Variants in BUB3 observed in about 807,000 individuals in gnomAD.
The protein encoded by BUB3 is mitotic checkpoint protein BUB3.
Under a neutral mutation model 39.9 loss-of-function variants are expected in BUB3, and 22 were observed. The observed-to-expected ratio is 0.55, with a 90% CI of 0.39 to 0.79. The LOEUF (loss-of-function observed/expected upper bound fraction) is 0.79. Ranked by LOEUF, BUB3 falls within the 30% of genes least tolerant of loss-of-function variation. The pLI, the probability that BUB3 is intolerant of heterozygous loss-of-function variation, is 0.00. For missense variants in BUB3, 303 were observed against 415.4 expected, an observed-to-expected ratio of 0.73 and a Z score of 2.35; for synonymous variants, 168 against 155.1, an observed-to-expected ratio of 1.08 and a Z score of -0.62.
At chr10:123,161,888 A>T (rs1034604533) in intron 5 of BUB3, among the ~76,000 whole-genome samples, 6 of 152,262 alleles carry the variant, frequency 3.9e-5, no homozygotes, top group Admixed American at 3.9e-4. Flanking sequence ...CACAGAACAT[A>T]GAAGAATATA....
rs968146670 is a variant in BUB3, at chr10:123,166,250, C to T, written c.*2415C>T. 3.9e-5 allele frequency: 6 copies of T among 152,198 alleles called. No individual in the cohort carries two copies. Among genetic ancestry groups the T allele is most frequent in the African/African-American group, 1.4e-4 (6 of 41,448 alleles). The allele number at this position is 152,198 out of a possible 1,614,324, so 9.4% of individuals were successfully genotyped here. On this transcript the variant is annotated 3_prime_UTR_variant, in exon 8 of 8. Coordinates refer to ENST00000368865, the MANE Select transcript of BUB3 (RefSeq NM_004725.4). ...TCTTCCTACTGCTACCATCCCAGGG[C>T]CTTTTGGGTGAATGTGGCAGCCTCC... is the stretch of plus-strand genomic sequence containing the variant.
At chr10:123,160,267 T>G in intron 4 of BUB3, 140 bp from the exon 5 acceptor site, 1 of 676,876 alleles carries the variant, frequency 1.5e-6, no homozygotes, top group Non-Finnish European at 2.3e-6. Flanking sequence ...AATTGCAGTA[T>G]CTAAAATTGT....
rs1006272844 is a variant in BUB3 at position 123,167,726 on chromosome 10, A to T, written c.*3891A>T. The T allele has an allele frequency of 1.3e-5, 2 of 152,194 alleles. No individual in the cohort carries two copies. The highest frequency in any genetic ancestry group is 6.5e-5 in the Admixed American group (1 of 15,284). 9.4% of individuals were successfully genotyped at this position (152,194 alleles called of 1,614,324 possible). A position where few individuals can be genotyped will look rare whatever the true frequency, so the allele number is the denominator to read the frequency against. The stretch of plus-strand genomic sequence containing the variant: ...AGAAAAATTTGGATAGCATGCAAAA[A>T]ATGAAACATACTATCACAATCCTAT... On this transcript the variant is annotated 3_prime_UTR_variant, in exon 8 of 8. Coordinates refer to ENST00000368865, the MANE Select transcript of BUB3 (RefSeq NM_004725.4).
rs763593893 is a variant in BUB3, at chr10:123,170,443, A to G, written c.*6608A>G. The G allele has an allele frequency of 1.3e-5, 2 of 152,144 alleles. No homozygotes were observed. Among genetic ancestry groups the G allele is most frequent in the Non-Finnish European group, 2.9e-5 (2 of 68,034 alleles). The allele number at this position is 152,144 out of a possible 1,614,324, so 9.4% of individuals were successfully genotyped here. On this transcript the variant is annotated 3_prime_UTR_variant, in exon 8 of 8. Coordinates refer to ENST00000368865, the MANE Select transcript of BUB3 (RefSeq NM_004725.4). Reference sequence around the variant, plus strand: ...ATGTTTTTCTGTATTTTATCTCTTCATTTTAAAATAAAGTTTTGCACATGT... The same window carrying G: ...ATGTTTTTCTGTATTTTATCTCTTCGTTTTAAAATAAAGTTTTGCACATGT...
At chr10:123,156,474 A>G (rs865952311) in intron 3 of BUB3, among the ~76,000 whole-genome samples, 4 of 152,208 alleles carry the variant, frequency 2.6e-5, no homozygotes, top group Admixed American at 6.5e-5. Context: ...GGATGGCCAC[A>G]TTTTGTCAAA....
At chr10:123,154,789 G>A (rs962381394) in intron 1 of BUB3, 129 bp from the exon 2 acceptor site, 1 of 1,011,944 alleles carries the variant, frequency 9.9e-7, no homozygotes, top group Non-Finnish European at 1.4e-6. Context: ...CTCGGCGCAG[G>A]CGCAAGCGCA....
chr10:123,155,095 C>T lies in BUB3; in HGVS notation c.178C>T (p.Leu60=), dbSNP rs772570812. 2 of 1,613,938 alleles carry T rather than the reference C, an allele frequency of 1.2e-6. No individual in the cohort carries two copies. Among genetic ancestry groups the T allele is most frequent in the South Asian group, 2.2e-5 (2 of 91,072 alleles). ...RLKYQHTGAV[L]DCAFYDPTHA... is the part of the protein sequence containing the mutation. ...CAAGTACCAGCACACCGGCGCCGTC[C>T]TGGACTGCGCCTTCTACGTAGGTGC... is the stretch of plus-strand genomic sequence containing the variant. Residue 60 remains leucine, a synonymous_variant, in exon 2 of 8, where the codon CTG becomes TTG. Coordinates refer to ENST00000368865, the MANE Select transcript of BUB3 (RefSeq NM_004725.4).
Position 123,162,295 on chromosome 10 carries a change from T to C in BUB3, c.636T>C (p.Pro212=). ...CAGTTGAGTATTTGGACCCAAGCCC[T>C]GAGGTACAGAAGAAGAAGTATGCCT... ...RVAVEYLDPS[P]EVQKKKYAFK... Residue 212 remains proline (P), a synonymous_variant, in exon 6 of 8, where the codon CCT becomes CCC. Transcript: ENST00000368865. 6.2e-7 allele frequency: 1 copy of C among 1,614,148 alleles called. No individual in the cohort carries two copies. Among genetic ancestry groups the C allele is most frequent in the East Asian group, 2.2e-5 (1 of 44,870 alleles).
At position 123,164,350 on chromosome 10, in the gene BUB3, A is replaced by G; in HGVS notation, c.*515A>G. Reference sequence around the variant, plus strand: ...TATTTTCTGAAGCAGATGGTTCATCATTTCCTGGGCTGTTAAACAAAGCGA... The same window carrying G: ...TATTTTCTGAAGCAGATGGTTCATCGTTTCCTGGGCTGTTAAACAAAGCGA... On this transcript the variant is annotated 3_prime_UTR_variant, in exon 8 of 8. Transcript: ENST00000368865. The G allele has an allele frequency of 1.0e-6, 1 of 985,900 alleles. No individual in the cohort carries two copies. Among genetic ancestry groups the G allele is most frequent in the Non-Finnish European group, 1.2e-6 (1 of 830,352 alleles). 61.1% of individuals were successfully genotyped at this position (985,900 alleles called of 1,614,324 possible).
chr10:123,164,537 G>T lies in BUB3; in HGVS notation c.*702G>T, dbSNP rs1027001522. ...GGCAAATTGTTTGAGTCAGTAATGA[G>T]CTGAGAAAAGACAGAGCATATCTGT... On this transcript the variant is annotated 3_prime_UTR_variant, in exon 8 of 8. Transcript: ENST00000368865. 2.0e-6 allele frequency: 2 copies of T among 986,000 alleles called. No individual in the cohort carries two copies. The highest frequency in any genetic ancestry group is 1.2e-4 in the Admixed American group (2 of 16,326). The allele number at this position is 986,000 out of a possible 1,614,324, so 61.1% of individuals were successfully genotyped here. A position where few individuals can be genotyped will look rare whatever the true frequency, so the allele number is the denominator to read the frequency against.
Position 123,164,416 on chromosome 10 carries a change from T to G in BUB3, c.*581T>G. 1.0e-6 allele frequency: 1 copy of G among 985,696 alleles called. No homozygotes were observed. The highest frequency in any genetic ancestry group is 1.2e-6 in the Non-Finnish European group (1 of 830,136). The allele number at this position is 985,696 out of a possible 1,614,324, so 61.1% of individuals were successfully genotyped here. ...CTTGGGAATCAGCTAGTTTTCAATC[T>G]TATTAGGGTGCAGAAGGAAAACTAA... is the stretch of plus-strand genomic sequence containing the variant. On this transcript the variant is annotated 3_prime_UTR_variant, in exon 8 of 8. Transcript: ENST00000368865.
Position 123,157,888 on chromosome 10 carries a change from C to G in BUB3, c.417+8C>G, listed in dbSNP as rs367666323. 13 of 1,609,170 alleles carry G rather than the reference C, an allele frequency of 8.1e-6. No individual in the cohort carries two copies. The highest frequency in any genetic ancestry group is 1.0e-5 in the Non-Finnish European group (12 of 1,177,838). On this transcript the variant is annotated splice_region_variant and intron_variant, in intron 4 of 7. Coordinates refer to ENST00000368865, the MANE Select transcript of BUB3 (RefSeq NM_004725.4). ...TTCTCTCAGCCTGAAAAGGTAGGCT[C>G]TTTATATTCATTGCAGGAGTTGATG...
At position 123,155,063 on chromosome 10, in the gene BUB3, T is replaced by A. The variant is rs750436173; in HGVS notation, c.146T>A (p.Met49Lys). The A allele has an allele frequency of 6.2e-7, 1 of 1,614,026 alleles. No individual in the cohort carries two copies. Among genetic ancestry groups the A allele is most frequent in the Admixed American group, 1.7e-5 (1 of 60,002 alleles). Residue 49 changes from methionine to lysine, a missense_variant, in exon 2 of 8, where the codon ATG becomes AAG. By Grantham distance (95) the Met-to-Lys change is moderately conservative (BLOSUM62 -1). This residue lies in a region of BUB3 where 121 missense variants were observed against 122.3 expected (regional missense o/e 0.99). Transcript: ENST00000368865. ...VRLYDVPANS[M>K]RLKYQHTGAV... Reference sequence around the variant, plus strand: ...CTCTACGATGTGCCGGCCAACTCCATGCGGCTCAAGTACCAGCACACCGGC... The same window carrying A: ...CTCTACGATGTGCCGGCCAACTCCAAGCGGCTCAAGTACCAGCACACCGGC...
chr10:123,167,736 A>G lies in BUB3; in HGVS notation c.*3901A>G, dbSNP rs1037765732. ...GGATAGCATGCAAAAAATGAAACAT[A>G]CTATCACAATCCTATGATATAACTT... On this transcript the variant is annotated 3_prime_UTR_variant, in exon 8 of 8. Coordinates refer to ENST00000368865, the MANE Select transcript of BUB3 (RefSeq NM_004725.4). The G allele has an allele frequency of 3.9e-5, 6 of 152,198 alleles. No individual in the cohort carries two copies. The highest frequency in any genetic ancestry group is 1.4e-4 in the African/African-American group (6 of 41,464). 9.4% of individuals were successfully genotyped at this position (152,198 alleles called of 1,614,324 possible).
Position 123,164,743 on chromosome 10 carries a change from A to G in BUB3, c.*908A>G, listed in dbSNP as rs1443105334. 9.0e-7 allele frequency: 1 copy of G among 1,108,306 alleles called. No individual in the cohort carries two copies. The highest frequency in any genetic ancestry group is 1.1e-6 in the Non-Finnish European group (1 of 909,516). The allele number at this position is 1,108,306 out of a possible 1,614,324, so 68.7% of individuals were successfully genotyped here. ...GCCGCTGGTGATTAAAGTTAAAAAG[A>G]AAAAAATTATAGTGAGAATGAGATT... On this transcript the variant is annotated 3_prime_UTR_variant, in exon 8 of 8. Coordinates refer to ENST00000368865, the MANE Select transcript of BUB3 (RefSeq NM_004725.4).
chr10:123,158,208 G>A (rs935338333), intron 4 of BUB3, among the ~76,000 whole-genome samples: 13 of 152,068 alleles, frequency 8.5e-5, no homozygotes, highest in African/African-American at 2.7e-4. Context: ...TTAAATTGAC[G>A]CTCCATCCCA....
intron 4 of BUB3, among the ~76,000 whole-genome samples, chr10:123,159,779 A>G (rs1844397145): frequency 6.6e-6 from 1 of 152,206 alleles, no homozygotes; most frequent in South Asian, 2.1e-4. Context: ...GCTTTGTCAT[A>G]TGTCAGACCA....
At position 123,157,381 on chromosome 10, in the gene BUB3, G is replaced by A. The variant is rs541109615; in HGVS notation, c.266-348G>A. Among the ~76,000 whole-genome samples the A allele has an allele frequency of 1.4e-3, 213 of 152,334 alleles. 1 individual carries two copies. The highest frequency in any genetic ancestry group is 4.9e-3 in the African/African-American group (205 of 41,580). ...GTACCAGACCTTGCACTAGATACGG[G>A]CAGAGATCACAGAGGTAAACGCAGT... On this transcript the variant is annotated intron_variant, in intron 3 of 7. Transcript: ENST00000368865.
chr10:123,168,224 A>G lies in BUB3; in HGVS notation c.*4389A>G, dbSNP rs1262452621. 6.6e-6 allele frequency: 1 copy of G among 152,232 alleles called. No individual in the cohort carries two copies. Among genetic ancestry groups the G allele is most frequent in the Non-Finnish European group, 1.5e-5 (1 of 68,040 alleles). The allele number at this position is 152,232 out of a possible 1,614,324, so 9.4% of individuals were successfully genotyped here. A position where few individuals can be genotyped will look rare whatever the true frequency, so the allele number is the denominator to read the frequency against. ...CTCCAGAACTTACTCATCTCATAGG[A>G]GGCAGCTACTTTTAACATTCTTGGT... On this transcript the variant is annotated 3_prime_UTR_variant, in exon 8 of 8. Transcript: ENST00000368865.
Sources: allele counts gnomAD v4.1 joint callset (sites outside exome capture counted in the v4.1 genomes callset), GRCh38; gene constraint gnomAD v4.1.1; regional missense constraint gnomAD v4.1.1; transcripts MANE v1.5; gene names NCBI Gene and HGNC (gene_info 2026-07-23, HGNC 2026-07-21).